The following SLC35F3 variants were observed in gnomAD, a reference collection of about 807,000 sequenced individuals.
The protein encoded by SLC35F3 is solute carrier family 35 member F3, also known as putative thiamine transporter SLC35F3.
SLC35F3 carries 25 observed loss-of-function variants against 49.9 expected under a neutral mutation model. That is an observed-to-expected ratio of 0.50 (90% CI 0.37 to 0.70). The LOEUF (loss-of-function observed/expected upper bound fraction) is 0.70. Among genes scored for constraint, SLC35F3 ranks in the 30% least tolerant of loss-of-function variants. The pLI is 0.00. For missense variants in SLC35F3, 525 were observed against 639.8 expected (o/e 0.82, Z 1.94); for synonymous variants, 275 against 265.4 (o/e 1.04, Z -0.35).
intron 2 of SLC35F3, among the ~76,000 whole-genome samples, chr1:233,975,647 C>A (rs1485520316): frequency 2.0e-5 from 3 of 152,200 alleles, no homozygotes; most frequent in African/African-American, 7.2e-5. Context: ...CTGCTGTGGG[C>A]AGGAGCGTGG....
At chr1:234,108,686 A>T (rs1183119602) in intron 2 of SLC35F3, among the ~76,000 whole-genome samples, 3 of 122,668 alleles carry the variant, frequency 2.4e-5, no homozygotes, top group Non-Finnish European at 4.8e-5. Flanking sequence ...ATATATTTTT[A>T]TATATAAAAT....
chr1:234,101,002 G>A (rs2102882294), intron 2 of SLC35F3, among the ~76,000 whole-genome samples: 1 of 152,034 alleles, frequency 6.6e-6, no homozygotes, highest in East Asian at 1.9e-4. Flanking sequence ...CAACCACTTG[G>A]GGCTTTTTCC....
chr1:234,182,680 C>T (rs1053302577), intron 2 of SLC35F3, among the ~76,000 whole-genome samples: 1 of 152,180 alleles, frequency 6.6e-6, no homozygotes, highest in Non-Finnish European at 1.5e-5. Flanking sequence ...TTTATATTCC[C>T]ACCAGCAATG....
chr1:234,131,182 A>G (rs983116102), intron 2 of SLC35F3, among the ~76,000 whole-genome samples: 28 of 124,168 alleles, frequency 2.3e-4, no homozygotes, highest in South Asian at 5.1e-4. Flanking sequence ...GTGATGTTCT[A>G]TTTTTGCCGT....
intron 2 of SLC35F3, among the ~76,000 whole-genome samples, chr1:234,031,795 C>T (rs1053822618): frequency 3.9e-5 from 6 of 152,202 alleles, no homozygotes; most frequent in Admixed American, 6.5e-5. Flanking sequence ...TTCAAGGTCT[C>T]CTGCCTGTTA....
intron 2 of SLC35F3, among the ~76,000 whole-genome samples, chr1:234,190,313 C>G (rs1183170832): frequency 6.6e-6 from 1 of 152,098 alleles, no homozygotes; most frequent in Non-Finnish European, 1.5e-5. Context: ...GTGTCTGCTA[C>G]CTTTAAGAGA....
chr1:234,084,468 A>G (rs6667346), intron 2 of SLC35F3, among the ~76,000 whole-genome samples: 1 of 152,204 alleles, frequency 6.6e-6, no homozygotes, highest in Non-Finnish European at 1.5e-5. Context: ...CTCAGAACCA[A>G]CTAACTTTTG....
At chr1:234,197,511 A>G (rs1475491358) in intron 2 of SLC35F3, among the ~76,000 whole-genome samples, 2 of 152,188 alleles carry the variant, frequency 1.3e-5, no homozygotes, top group African/African-American at 4.8e-5. Flanking sequence ...GTGCTCATAA[A>G]ACATTTATTG....
rs372050996 is a variant in SLC35F3, at chr1:234,017,011, A to G, written c.283+111253A>G. 6.1e-4 allele frequency among the ~76,000 whole-genome samples: 93 copies of G among 152,310 alleles called. 2 individuals carry two copies. The East Asian group carries it at 6.6e-3, about 11-fold the overall frequency. ...TAACTTGGGCAATTCATTTAACCCCATTAAACATCATTCCTTAATCTGCGT... is the reference window on the plus strand; with the variant it reads ...TAACTTGGGCAATTCATTTAACCCCGTTAAACATCATTCCTTAATCTGCGT... On this transcript the variant is annotated intron_variant, in intron 2 of 7. Transcript: ENST00000366618.
intron 3 of SLC35F3, among the ~76,000 whole-genome samples, chr1:234,275,738 C>T (rs1381146292): frequency 1.5e-5 from 2 of 135,266 alleles, no homozygotes; most frequent in East Asian, 2.1e-4. Context: ...AATGAAACAT[C>T]ATTGGTAAGT....
chr1:234,305,301 T>C (rs1458249346), intron 3 of SLC35F3, among the ~76,000 whole-genome samples: 1 of 152,118 alleles, frequency 6.6e-6, no homozygotes, highest in Admixed American at 6.5e-5. Flanking sequence ...AGTGCAGAAC[T>C]TATAGATTTT....
At chr1:234,160,318 G>A (rs574982324) in intron 2 of SLC35F3, among the ~76,000 whole-genome samples, 1 of 152,344 alleles carries the variant, frequency 6.6e-6, no homozygotes, top group Non-Finnish European at 1.5e-5. Context: ...ACTCAGGGCT[G>A]TACTTGCAAG....
chr1:234,274,986 C>A (rs1046387575), intron 3 of SLC35F3, among the ~76,000 whole-genome samples: 2 of 152,192 alleles, frequency 1.3e-5, no homozygotes, highest in African/African-American at 4.8e-5. Flanking sequence ...TTCCCACCCA[C>A]TCCTATTCTA....
intron 2 of SLC35F3, among the ~76,000 whole-genome samples, chr1:234,116,154 A>G (rs1400225467): frequency 6.6e-6 from 1 of 152,200 alleles, no homozygotes; most frequent in African/African-American, 2.4e-5. Context: ...CATAAAGTCA[A>G]TATAAAGTAG....
intron 3 of SLC35F3, among the ~76,000 whole-genome samples, chr1:234,271,058 T>C (rs1008751100): frequency 6.6e-6 from 1 of 152,240 alleles, no homozygotes; most frequent in East Asian, 1.9e-4. Context: ...TAAGTGTGCA[T>C]TTCTTGGATT....
At chr1:234,219,420 T>A (rs542622456) in intron 2 of SLC35F3, among the ~76,000 whole-genome samples, 106 of 152,320 alleles carry the variant, frequency 7.0e-4, no homozygotes, top group African/African-American at 2.2e-3. Context: ...CATGTAGTGA[T>A]CAAATATTTT....
At chr1:233,984,080 C>G (rs1180777291) in intron 2 of SLC35F3, among the ~76,000 whole-genome samples, 6 of 152,196 alleles carry the variant, frequency 3.9e-5, no homozygotes, top group African/African-American at 1.4e-4. Flanking sequence ...ATGCTTTCAT[C>G]AGGAGAAATT....
chr1:233,953,360 G>T (rs1662640814), intron 2 of SLC35F3, among the ~76,000 whole-genome samples: 1 of 152,168 alleles, frequency 6.6e-6, no homozygotes, highest in African/African-American at 2.4e-5. Context: ...AATTATAGCT[G>T]GGAATTCACT....
intron 2 of SLC35F3, among the ~76,000 whole-genome samples, chr1:234,118,253 CTGT>C (rs1265164411): frequency 2.6e-5 from 4 of 152,206 alleles, no homozygotes; most frequent in African/African-American, 4.8e-5. Flanking sequence ...TTACCCTGAT[CTGT>C]TGTTGTTGTA....
Sources: gnomAD v4.1 joint callset for allele counts (sites outside exome capture counted in the v4.1 genomes callset) on GRCh38, gnomAD v4.1.1 for gene constraint, MANE v1.5 for transcripts, NCBI Gene and HGNC (gene_info 2026-07-23, HGNC 2026-07-21) for gene names.